LRRIQ3: variants seen among roughly 807,000 people sequenced by gnomAD.
The protein encoded by LRRIQ3 is leucine-rich repeat and IQ domain-containing protein 3.
In LRRIQ3, 75 loss-of-function variants were observed where a neutral mutation model predicts 59.3. The observed-to-expected ratio is 1.26, with a 90% CI of 1.05 to 1.53. LRRIQ3 has a LOEUF of 1.53. Ranked by LOEUF, LRRIQ3 falls within the 40% of genes most tolerant of loss-of-function variation. The pLI, the probability that LRRIQ3 is intolerant of heterozygous loss-of-function variation, is 0.00. For synonymous variants in LRRIQ3, 250 were observed against 231.3 expected (o/e 1.08, Z -0.73); for missense variants, 831 against 710.0 (o/e 1.17, Z -1.94).
chr1:74,045,729 A>C (rs1654182935), intron 6 of LRRIQ3, among the ~76,000 whole-genome samples: 1 of 152,176 alleles, frequency 6.6e-6, no homozygotes, highest in Non-Finnish European at 1.5e-5. Flanking sequence ...CTCAGCCCAA[A>C]ATCTCCTTAA....
Position 74,074,478 on chromosome 1 carries a change from G to A in LRRIQ3, c.997+183C>T, listed in dbSNP as rs190861191. 2.8e-3 allele frequency among the ~76,000 whole-genome samples: 431 copies of A among 152,094 alleles called. 3 individuals are homozygous for A. Among genetic ancestry groups the A allele is most frequent in the African/African-American group, 9.9e-3 (413 of 41,528 alleles). On this transcript the variant is annotated intron_variant, in intron 6 of 7. Coordinates refer to ENST00000354431, the MANE Select transcript of LRRIQ3 (RefSeq NM_001105659.2). ...TTAGCTTTTTATACACGGATTACAT[G>A]TACTTTTTTGTGTCTGGCTTCATTT...
intron 4 of LRRIQ3, among the ~76,000 whole-genome samples, chr1:74,122,015 G>C (rs1362113897): frequency 6.6e-6 from 1 of 151,884 alleles, no homozygotes; most frequent in Non-Finnish European, 1.5e-5. Context: ...CCAAGTCTTT[G>C]CTATTGTGAA....
At chr1:74,169,056 A>T (rs1052789814) in intron 3 of LRRIQ3, among the ~76,000 whole-genome samples, 1 of 152,148 alleles carries the variant, frequency 6.6e-6, no homozygotes, top group African/African-American at 2.4e-5. Context: ...GGGTATTTGT[A>T]AACCTTGAAC....
chr1:74,063,053 C>T (rs932757177), intron 6 of LRRIQ3, among the ~76,000 whole-genome samples: 1 of 137,866 alleles, frequency 7.3e-6, no homozygotes, highest in African/African-American at 2.6e-5. Flanking sequence ...AAATAACAAC[C>T]ACTACCAAAG....
intron 3 of LRRIQ3, among the ~76,000 whole-genome samples, chr1:74,163,940 A>G (rs896031769): frequency 5.3e-5 from 8 of 151,414 alleles, no homozygotes; most frequent in Admixed American, 5.3e-4. Flanking sequence ...CATTCTGAAT[A>G]GTATGTAGTA....
chr1:74,110,087 A>T (rs1363955708), intron 4 of LRRIQ3, among the ~76,000 whole-genome samples: 1 of 151,902 alleles, frequency 6.6e-6, no homozygotes, highest in Non-Finnish European at 1.5e-5. Context: ...AGGTAAGCTT[A>T]ATTTTAATAC....
At chr1:74,118,472 C>T (rs972238616) in intron 4 of LRRIQ3, among the ~76,000 whole-genome samples, 4 of 151,958 alleles carry the variant, frequency 2.6e-5, no homozygotes, top group Non-Finnish European at 5.9e-5. Flanking sequence ...ACAAAGGACA[C>T]ACATAAGTTT....
intron 3 of LRRIQ3, among the ~76,000 whole-genome samples, chr1:74,158,375 C>T (rs1307812883): frequency 2.6e-5 from 4 of 152,140 alleles, no homozygotes; most frequent in Non-Finnish European, 1.5e-5. Context: ...CAAAGTCCTT[C>T]TTGATCTAGT....
At chr1:74,153,657 T>C (rs990483346) in intron 4 of LRRIQ3, among the ~76,000 whole-genome samples, 6 of 152,122 alleles carry the variant, frequency 3.9e-5, no homozygotes, top group African/African-American at 1.4e-4. Context: ...TCTCATAGAG[T>C]TTATAGTAAA....
At chr1:74,133,025 A>G (rs927963997) in intron 4 of LRRIQ3, among the ~76,000 whole-genome samples, 16 of 152,152 alleles carry the variant, frequency 1.1e-4, no homozygotes, top group African/African-American at 3.4e-4. Flanking sequence ...CAAGAAAAAA[A>G]CAAACAATCC....
At chr1:74,067,381 G>T (rs1490026583) in intron 6 of LRRIQ3, among the ~76,000 whole-genome samples, 4 of 152,110 alleles carry the variant, frequency 2.6e-5, no homozygotes, top group African/African-American at 9.7e-5. Flanking sequence ...TGCTTTCCGT[G>T]TGGAGTTAGT....
intron 4 of LRRIQ3, among the ~76,000 whole-genome samples, chr1:74,144,171 A>G (rs543033489): frequency 2.6e-5 from 4 of 152,060 alleles, no homozygotes; most frequent in Non-Finnish European, 4.4e-5. Context: ...AATTTGAAAG[A>G]CAAATTAGCT....
intron 1 of LRRIQ3, among the ~76,000 whole-genome samples, chr1:74,193,530 A>T (rs1650907616): frequency 6.6e-6 from 1 of 152,168 alleles, no homozygotes; most frequent in African/African-American, 2.4e-5. Flanking sequence ...GAATATTTAA[A>T]TTAAATATTA....
intron 6 of LRRIQ3, among the ~76,000 whole-genome samples, chr1:74,049,907 C>T (rs764508813): frequency 2.1e-4 from 30 of 144,410 alleles, no homozygotes; most frequent in Non-Finnish European, 3.7e-4. Flanking sequence ...GAAAATGACA[C>T]CTTTGTGTCT....
intron 7 of LRRIQ3, among the ~76,000 whole-genome samples, chr1:74,027,767 A>G (rs1331023628): frequency 1.3e-5 from 2 of 152,084 alleles, no homozygotes; most frequent in Non-Finnish European, 2.9e-5. Context: ...CATGGCACTA[A>G]CCTTAGATGC....
chr1:74,034,981 A>G (rs1428474874), intron 7 of LRRIQ3, among the ~76,000 whole-genome samples: 1 of 152,044 alleles, frequency 6.6e-6, no homozygotes, highest in Non-Finnish European at 1.5e-5. Flanking sequence ...GACCAGTTTC[A>G]ATCTAATATC....
chr1:74,072,173 A>T (rs937712368), intron 6 of LRRIQ3, among the ~76,000 whole-genome samples: 1 of 152,148 alleles, frequency 6.6e-6, no homozygotes, highest in African/African-American at 2.4e-5. Context: ...AGGTGATATG[A>T]ATAGCACTCA....
chr1:74,061,922 T>C (rs1654732049), intron 6 of LRRIQ3, among the ~76,000 whole-genome samples: 2 of 152,078 alleles, frequency 1.3e-5, no homozygotes, highest in South Asian at 2.1e-4. Flanking sequence ...TAGTCACAGC[T>C]ACTAGAGAGG....
At chr1:74,171,505 C>T (rs1267753563) in intron 3 of LRRIQ3, among the ~76,000 whole-genome samples, 1 of 152,112 alleles carries the variant, frequency 6.6e-6, no homozygotes, top group African/African-American at 2.4e-5. Flanking sequence ...CTCTCTCAGC[C>T]ACAGTGTGTG....
Sources: allele counts gnomAD v4.1 joint callset (sites outside exome capture counted in the v4.1 genomes callset), GRCh38; gene constraint gnomAD v4.1.1; transcripts MANE v1.5; gene names NCBI Gene and HGNC (gene_info 2026-07-23, HGNC 2026-07-21).